MYO5B: variants seen among roughly 807,000 people sequenced by gnomAD.
MYO5B encodes myosin VB, also known as unconventional myosin-Vb.
MYO5B carries 143 observed loss-of-function variants against 229.3 expected under a neutral mutation model. That is an observed-to-expected ratio of 0.62 (90% confidence interval 0.54 to 0.72). The LOEUF is 0.72. MYO5B is among the 30% of genes least tolerant of loss of function. MYO5B has a pLI of 0.00. For missense variants in MYO5B, 2,321 were observed against 2,331.0 expected (o/e 1.00, Z 0.09); for synonymous variants, 918 against 885.2 (o/e 1.04, Z -0.66).
chr18:50,070,830 A>C, intron 1 of MYO5B, among the ~76,000 whole-genome samples: 3 of 136,332 alleles, frequency 2.2e-5, no homozygotes, highest in South Asian at 2.3e-4. Context: ...ATACCATCTC[A>C]TCCCACACTC....
At chr18:50,189,790 C>A (rs1361655220) in intron 1 of MYO5B, among the ~76,000 whole-genome samples, 2 of 152,192 alleles carry the variant, frequency 1.3e-5, no homozygotes, top group African/African-American at 4.8e-5. Context: ...CTCTTGCTGC[C>A]TTCAGACTGA....
chr18:49,881,402 T>C (rs1331184871), intron 22 of MYO5B, among the ~76,000 whole-genome samples: 3 of 152,002 alleles, frequency 2.0e-5, no homozygotes, highest in Non-Finnish European at 4.4e-5. Flanking sequence ...CTTCTGATGA[T>C]GTTGACAAAA....
chr18:50,107,123 T>A, intron 1 of MYO5B, among the ~76,000 whole-genome samples: 1 of 134,054 alleles, frequency 7.5e-6, no homozygotes, highest in African/African-American at 2.8e-5. Flanking sequence ...TTTTTTTTTT[T>A]TTTTTTTTTT....
chr18:50,164,906 G>C (rs1446157264), intron 1 of MYO5B, among the ~76,000 whole-genome samples: 1 of 152,212 alleles, frequency 6.6e-6, no homozygotes, highest in South Asian at 2.1e-4. Flanking sequence ...TCTCAAGACT[G>C]GGAGTGTATT....
At chr18:49,985,633 T>G (rs1281558803) in intron 7 of MYO5B, among the ~76,000 whole-genome samples, 1 of 152,182 alleles carries the variant, frequency 6.6e-6, no homozygotes, top group African/African-American at 2.4e-5. Flanking sequence ...AAATATAGTA[T>G]CTTGTATGGT....
chr18:49,995,826 A>G (rs1277706965), intron 5 of MYO5B, among the ~76,000 whole-genome samples: 1 of 152,238 alleles, frequency 6.6e-6, no homozygotes, highest in Non-Finnish European at 1.5e-5. Context: ...ACAAAAAGCC[A>G]GATTTTCTGT....
rs775602214 is a variant in MYO5B at position 49,937,349 on chromosome 18, C to G, written c.1801G>C (p.Ala601Pro). The change falls in exon 15 of 40, where the codon GCC (alanine) becomes CCC (proline). Residue 601 changes from alanine to proline, a missense_variant. Physicochemically the swap from Ala to Pro is conservative, Grantham distance 27. Coordinates refer to ENST00000285039, the MANE Select transcript of MYO5B (RefSeq NM_001080467.3). Reference sequence around the variant, plus strand: ...GATGACCCCTTCCCAGGGGTGGTGGCAGGAACAGGGTCCTTGTCATCATGA... The same window carrying G: ...GATGACCCCTTCCCAGGGGTGGTGGGAGGAACAGGGTCCTTGTCATCATGA... ...LFHDDKDPVP[A>P]TTPGKGSSSK... 2 of 1,614,032 alleles carry G rather than the reference C, an allele frequency of 1.2e-6. No individual in the cohort carries two copies. The highest frequency in any genetic ancestry group is 1.7e-6 in the Non-Finnish European group (2 of 1,179,912).
intron 12 of MYO5B, among the ~76,000 whole-genome samples, chr18:49,960,249 T>A (rs1426819893): frequency 6.6e-6 from 1 of 152,142 alleles, no homozygotes; most frequent in African/African-American, 2.4e-5. Flanking sequence ...TCTCATGGGG[T>A]CACAGAACTC....
chr18:50,143,873 T>C (rs2032457873), intron 1 of MYO5B, among the ~76,000 whole-genome samples: 1 of 152,166 alleles, frequency 6.6e-6, no homozygotes, highest in African/African-American at 2.4e-5. Flanking sequence ...TTCTGCCCTA[T>C]TCGTTGCTCT....
chr18:50,018,290 AT>A (rs5824818), intron 4 of MYO5B, among the ~76,000 whole-genome samples: 3 of 146,712 alleles, frequency 2.0e-5, no homozygotes, highest in African/African-American at 7.5e-5. Flanking sequence ...ACATATACCC[AT>A]TTTTTTTTTT....
chr18:50,095,303 T>TA (rs1172040428), intron 1 of MYO5B, among the ~76,000 whole-genome samples: 1 of 152,246 alleles, frequency 6.6e-6, no homozygotes, highest in East Asian at 1.9e-4. Flanking sequence ...GTATAGCTAG[T>TA]AATTCCACCC....
At chr18:49,919,256 A>C (rs2025049669) in intron 17 of MYO5B, among the ~76,000 whole-genome samples, 1 of 152,206 alleles carries the variant, frequency 6.6e-6, no homozygotes, top group Non-Finnish European at 1.5e-5. Context: ...AGTCTTTGTG[A>C]CCTTGGGTTA....
intron 17 of MYO5B, among the ~76,000 whole-genome samples, chr18:49,923,040 C>T (rs2025091750): frequency 6.6e-6 from 1 of 152,178 alleles, no homozygotes; most frequent in Non-Finnish European, 1.5e-5. Context: ...CAAAATCACA[C>T]CTGGTCTCTC....
chr18:50,001,700 C>T (rs2026049153), intron 4 of MYO5B, among the ~76,000 whole-genome samples: 1 of 152,104 alleles, frequency 6.6e-6, no homozygotes, highest in African/African-American at 2.4e-5. Context: ...GGTGCAGTGC[C>T]CCTAGATCAC....
At chr18:50,160,483 AACAG>A (rs1312033199) in intron 1 of MYO5B, among the ~76,000 whole-genome samples, 3 of 152,194 alleles carry the variant, frequency 2.0e-5, no homozygotes, top group Non-Finnish European at 4.4e-5. Flanking sequence ...TCTCCACAAG[AACAG>A]ACATTTTAAC....
rs375510734 is a variant in MYO5B, at chr18:49,906,478, G to A, written c.2355C>T (p.His785=). The A allele has an allele frequency of 2.5e-6, 4 of 1,614,074 alleles. No homozygotes were observed. In the African/African-American group the frequency reaches 5.3e-5, roughly 22 times the overall value. The stretch of plus-strand genomic sequence containing the variant: ...GGGTTAAGGTAGCCCCCTTCAGCCT[G>A]TGATATTTCACCTTCTGCAGCCATC... ...VRGWLQKVKY[H]RLKGATLTLQ... Residue 785 remains histidine, a synonymous_variant, in exon 19 of 40, where the codon CAC becomes CAT. Coordinates refer to ENST00000285039, the MANE Select transcript of MYO5B (RefSeq NM_001080467.3).
chr18:49,993,241 A>G (rs1294433173), intron 5 of MYO5B, among the ~76,000 whole-genome samples: 2 of 152,048 alleles, frequency 1.3e-5, no homozygotes, highest in East Asian at 3.9e-4. Context: ...AACACCTGCT[A>G]TAACTTCTCA....
chr18:49,827,130 C>T (rs2023856860), intron 39 of MYO5B, among the ~76,000 whole-genome samples: 1 of 152,214 alleles, frequency 6.6e-6, no homozygotes, highest in Non-Finnish European at 1.5e-5. Flanking sequence ...GAAGTAGAAA[C>T]AGTGATTGTC....
At chr18:50,057,553 G>T (rs1021239885) in intron 1 of MYO5B, among the ~76,000 whole-genome samples, 4 of 152,112 alleles carry the variant, frequency 2.6e-5, no homozygotes, top group Admixed American at 2.0e-4. Flanking sequence ...TGCCACTCGT[G>T]GGGTGGTTAG....
Sources: gnomAD v4.1 joint callset for allele counts (sites outside exome capture counted in the v4.1 genomes callset) on GRCh38, gnomAD v4.1.1 for gene constraint, MANE v1.5 for transcripts, NCBI Gene and HGNC (gene_info 2026-07-23, HGNC 2026-07-21) for gene names.